KCNMB4: variants seen among roughly 807,000 people sequenced by gnomAD.
The protein encoded by KCNMB4 is calcium-activated potassium channel subunit beta-4.
KCNMB4 carries 3 observed loss-of-function variants against 20.7 expected under a neutral mutation model. The observed-to-expected ratio is 0.14, with a 90% confidence interval of 0.07 to 0.37. The LOEUF (loss-of-function observed/expected upper bound fraction) is 0.37. Among genes scored for constraint, KCNMB4 ranks in the 10% least tolerant of loss-of-function variants. The probability of loss-of-function intolerance (pLI) is 1.00; values close to 1 mark genes in which losing one functional copy is unlikely to be tolerated. For synonymous variants in KCNMB4, 110 were observed against 113.4 expected, an observed-to-expected ratio of 0.97 and a Z score of 0.19; for missense variants, 168 against 265.9, an observed-to-expected ratio of 0.63 and a Z score of 2.56.
chr12:70,430,940 T>C lies in KCNMB4; in HGVS notation c.*287T>C, dbSNP rs2136146096. On this transcript the variant is annotated 3_prime_UTR_variant, in exon 3 of 3. Transcript: ENST00000258111. Reference sequence around the variant, plus strand: ...GTTCATTTTCTTTCAAAAGTAACAGTATATTATTTGTACAGTGTAGTATAC... The same window carrying C: ...GTTCATTTTCTTTCAAAAGTAACAGCATATTATTTGTACAGTGTAGTATAC... The C allele has an allele frequency of 3.6e-6, 1 of 281,262 alleles. No homozygotes were observed. Among genetic ancestry groups the C allele is most frequent in the Middle Eastern group, 1.0e-3 (1 of 964 alleles). 17.4% of individuals were successfully genotyped at this position (281,262 alleles called of 1,614,324 possible). A position where few individuals can be genotyped will look rare whatever the true frequency, so the allele number is the denominator to read the frequency against.
intron 1 of KCNMB4, among the ~76,000 whole-genome samples, chr12:70,379,824 G>T (rs904882931): frequency 6.6e-6 from 1 of 152,194 alleles, no homozygotes; most frequent in African/African-American, 2.4e-5. Flanking sequence ...AATTAAAGAG[G>T]GTAGAGCATT....
At chr12:70,418,663 A>T (rs1296423466) in intron 2 of KCNMB4, among the ~76,000 whole-genome samples, 2 of 152,190 alleles carry the variant, frequency 1.3e-5, no homozygotes, top group Non-Finnish European at 2.9e-5. Context: ...ATCAAAAATC[A>T]TGAGGAAAAT....
chr12:70,380,681 G>A (rs1298438735), intron 1 of KCNMB4, among the ~76,000 whole-genome samples: 9 of 151,698 alleles, frequency 5.9e-5, no homozygotes, highest in Non-Finnish European at 1.0e-4. Context: ...CATCATGGAC[G>A]GTTGATTTTT....
chr12:70,393,766 A>G (rs787938), intron 1 of KCNMB4, among the ~76,000 whole-genome samples: 86,476 of 151,932 alleles, frequency 0.57, 25,934 homozygotes, highest in African/African-American at 0.77. Flanking sequence ...GGAGAGAGGA[A>G]CAATTCTTCA....
chr12:70,428,021 AT>A (rs1295553485), intron 2 of KCNMB4, among the ~76,000 whole-genome samples: 1 of 150,748 alleles, frequency 6.6e-6, no homozygotes, highest in South Asian at 2.1e-4. Flanking sequence ...CATCAAAACC[AT>A]TTTTTTTTCT....
chr12:70,385,843 T>C (rs1001667048), intron 1 of KCNMB4, among the ~76,000 whole-genome samples: 1 of 152,134 alleles, frequency 6.6e-6, no homozygotes, highest in African/African-American at 2.4e-5. Context: ...TAGAGATTTC[T>C]AAAAAATAGA....
At chr12:70,377,339 A>G (rs962375422) in intron 1 of KCNMB4, among the ~76,000 whole-genome samples, 1 of 152,210 alleles carries the variant, frequency 6.6e-6, no homozygotes, top group Non-Finnish European at 1.5e-5. Flanking sequence ...GAGTCACACA[A>G]ATTTTTTAGT....
chr12:70,385,301 C>CATCACA (rs1395869658), intron 1 of KCNMB4, among the ~76,000 whole-genome samples: 1 of 152,202 alleles, frequency 6.6e-6, no homozygotes, highest in Admixed American at 6.5e-5. Context: ...CTCTGGAGGA[C>CATCACA]ATCACACAGT....
intron 2 of KCNMB4, among the ~76,000 whole-genome samples, chr12:70,409,495 G>T (rs185664696): frequency 2.6e-5 from 4 of 152,268 alleles, no homozygotes; most frequent in Admixed American, 2.6e-4. Flanking sequence ...ATTGAATTAT[G>T]TGCCAGTCAA....
chr12:70,405,222 T>C (rs1269726738), intron 2 of KCNMB4, among the ~76,000 whole-genome samples: 1 of 152,062 alleles, frequency 6.6e-6, no homozygotes, highest in Non-Finnish European at 1.5e-5. Context: ...GGAGAAGATA[T>C]TTGCAAACTA....
rs1030463018 is a variant in KCNMB4, at chr12:70,433,522, A to C, written c.*2869A>C. 1 of 152,240 alleles carries C rather than the reference A, an allele frequency of 6.6e-6. No individual in the cohort carries two copies. Among genetic ancestry groups the C allele is most frequent in the Non-Finnish European group, 1.5e-5 (1 of 68,042 alleles). 9.4% of individuals were successfully genotyped at this position (152,240 alleles called of 1,614,324 possible). ...ACTTCTGCCCACCGTCCATTCATGA[A>C]TACTTACTATATAGCTATACCTAGC... On this transcript the variant is annotated 3_prime_UTR_variant, in exon 3 of 3. Coordinates refer to ENST00000258111, the MANE Select transcript of KCNMB4 (RefSeq NM_014505.6).
intron 1 of KCNMB4, among the ~76,000 whole-genome samples, chr12:70,378,071 T>A (rs898022962): frequency 6.6e-6 from 1 of 151,736 alleles, no homozygotes; most frequent in Non-Finnish European, 1.5e-5. Context: ...TGCGTCAGCC[T>A]CCTGAGTAGC....
chr12:70,401,435 A>C (rs1196842195), intron 2 of KCNMB4, among the ~76,000 whole-genome samples: 1 of 152,154 alleles, frequency 6.6e-6, no homozygotes, highest in Non-Finnish European at 1.5e-5. Context: ...TCTTGTAACA[A>C]GTCTTCCGCC....
chr12:70,417,199 G>A (rs1225056924), intron 2 of KCNMB4, among the ~76,000 whole-genome samples: 1 of 152,170 alleles, frequency 6.6e-6, no homozygotes, highest in Non-Finnish European at 1.5e-5. Context: ...GAGTAAATTA[G>A]GGAACAAATT....
intron 2 of KCNMB4, among the ~76,000 whole-genome samples, chr12:70,407,513 G>T (rs1029956870): frequency 8.0e-6 from 1 of 125,666 alleles, no homozygotes; most frequent in Non-Finnish European, 1.6e-5. Flanking sequence ...TGTCGCCCAG[G>T]CTGGAGTGCA....
At chr12:70,386,715 C>T (rs1205915406) in intron 1 of KCNMB4, among the ~76,000 whole-genome samples, 1 of 151,816 alleles carries the variant, frequency 6.6e-6, no homozygotes, top group Non-Finnish European at 1.5e-5. Flanking sequence ...CCTGTTCTCA[C>T]ACATGTGTGC....
intron 1 of KCNMB4, among the ~76,000 whole-genome samples, chr12:70,392,386 A>G (rs1868306870): frequency 6.6e-6 from 1 of 152,194 alleles, no homozygotes; most frequent in Non-Finnish European, 1.5e-5. Context: ...GGGAGTGTAC[A>G]TTAGTTCAAC....
chr12:70,387,293 C>T (rs1185074681), intron 1 of KCNMB4, among the ~76,000 whole-genome samples: 2 of 152,050 alleles, frequency 1.3e-5, no homozygotes, highest in East Asian at 1.9e-4. Context: ...TTTAATTTTG[C>T]CAGCACCTTT....
chr12:70,368,815 A>G (rs1883540330), intron 1 of KCNMB4, among the ~76,000 whole-genome samples: 1 of 152,200 alleles, frequency 6.6e-6, no homozygotes, highest in African/African-American at 2.4e-5. Flanking sequence ...AGACAAGGAC[A>G]AATTATAATT....
Sources: gnomAD v4.1 joint callset for allele counts (sites outside exome capture counted in the v4.1 genomes callset) on GRCh38, gnomAD v4.1.1 for gene constraint, MANE v1.5 for transcripts, NCBI Gene and HGNC (gene_info 2026-07-23, HGNC 2026-07-21) for gene names.